The following SNTG1 variants were observed in gnomAD, a reference collection of about 807,000 sequenced individuals.
The protein encoded by SNTG1 is syntrophin gamma 1.
A neutral mutation model predicts 74.7 loss-of-function variants in SNTG1; 39 were observed. The ratio of observed to expected loss-of-function variants is 0.52; its 90% CI spans 0.40 to 0.68. The LOEUF (loss-of-function observed/expected upper bound fraction) is 0.68, where lower values mean the gene tolerates loss of function less well. Among genes scored for constraint, SNTG1 ranks in the 30% least tolerant of loss-of-function variants. The probability of loss-of-function intolerance (pLI) is 0.00; values close to 1 mark genes in which losing one functional copy is unlikely to be tolerated. For missense variants in SNTG1, 685 were observed against 609.5 expected (o/e 1.12, Z -1.30); for synonymous variants, 254 against 217.1 (o/e 1.17, Z -1.49).
chr8:50,061,583 A>T (rs936265963), intron 1 of SNTG1, among the ~76,000 whole-genome samples: 5 of 151,802 alleles, frequency 3.3e-5, no homozygotes, highest in African/African-American at 9.7e-5. Context: ...AGGAATTTAG[A>T]TTATTGATTT....
chr8:50,093,277 A>G (rs747565226), intron 1 of SNTG1, among the ~76,000 whole-genome samples: 2 of 152,170 alleles, frequency 1.3e-5, no homozygotes, highest in Admixed American at 1.3e-4. Flanking sequence ...TTTTCTTTCA[A>G]TTACAATCTT....
At chr8:50,054,928 C>T (rs931129167) in intron 1 of SNTG1, among the ~76,000 whole-genome samples, 1 of 152,136 alleles carries the variant, frequency 6.6e-6, no homozygotes, top group Non-Finnish European at 1.5e-5. Context: ...CCTCTGACCT[C>T]GGCCTCTCAA....
At chr8:49,964,530 G>A (rs146280064) in intron 1 of SNTG1, among the ~76,000 whole-genome samples, 3 of 152,306 alleles carry the variant, frequency 2.0e-5, no homozygotes, top group South Asian at 2.1e-4. Context: ...GTGAATAATA[G>A]GTAAACAGGC....
intron 2 of SNTG1, among the ~76,000 whole-genome samples, chr8:50,372,317 A>G (rs1390065513): frequency 6.6e-6 from 1 of 151,850 alleles, no homozygotes; most frequent in East Asian, 1.9e-4. Context: ...GATCTAACAT[A>G]AAATATCTTA....
intron 8 of SNTG1, among the ~76,000 whole-genome samples, chr8:50,466,566 T>C (rs1482543871): frequency 2.0e-5 from 3 of 152,034 alleles, no homozygotes; most frequent in African/African-American, 7.2e-5. Flanking sequence ...TTAAAATATC[T>C]ACAAAATAGC....
At chr8:49,951,113 G>A (rs1809659407) in intron 1 of SNTG1, among the ~76,000 whole-genome samples, 1 of 152,106 alleles carries the variant, frequency 6.6e-6, no homozygotes, top group African/African-American at 2.4e-5. Flanking sequence ...TTGAGACTAA[G>A]AAAGATTATA....
intron 12 of SNTG1, among the ~76,000 whole-genome samples, chr8:50,561,697 G>T (rs2094489332): frequency 6.6e-6 from 1 of 152,130 alleles, no homozygotes; most frequent in Admixed American, 6.6e-5. Context: ...GCCTGGCTAT[G>T]AGGAAACTGA....
chr8:50,598,819 T>A (rs1232194552), intron 13 of SNTG1, among the ~76,000 whole-genome samples: 1 of 152,018 alleles, frequency 6.6e-6, no homozygotes, highest in Non-Finnish European at 1.5e-5. Flanking sequence ...TTCTTAAGTA[T>A]TTCTCTGTGG....
At chr8:50,440,520 T>TA (rs1185180867) in intron 5 of SNTG1, among the ~76,000 whole-genome samples, 3 of 152,212 alleles carry the variant, frequency 2.0e-5, no homozygotes, top group Non-Finnish European at 2.9e-5. Flanking sequence ...TCTGAGAATT[T>TA]AAAAAAATGT....
intron 13 of SNTG1, among the ~76,000 whole-genome samples, chr8:50,602,038 C>T (rs2094778743): frequency 6.6e-6 from 1 of 152,004 alleles, no homozygotes; most frequent in African/African-American, 2.4e-5. Flanking sequence ...CATTAAGCAA[C>T]AGATAATTGA....
At chr8:49,970,040 T>C (rs898884648) in intron 1 of SNTG1, among the ~76,000 whole-genome samples, 1 of 152,060 alleles carries the variant, frequency 6.6e-6, no homozygotes, top group Non-Finnish European at 1.5e-5. Context: ...CAAATACTTA[T>C]TAAGGAAACA....
chr8:50,153,365 T>G (rs2082138890), intron 1 of SNTG1, among the ~76,000 whole-genome samples: 4 of 152,202 alleles, frequency 2.6e-5, no homozygotes, highest in Admixed American at 1.3e-4. Flanking sequence ...CTCCGTTAGC[T>G]CAGAGAAGTT....
At chr8:50,153,679 G>A (rs1457892851) in intron 1 of SNTG1, among the ~76,000 whole-genome samples, 2 of 152,202 alleles carry the variant, frequency 1.3e-5, no homozygotes, top group Non-Finnish European at 2.9e-5. Flanking sequence ...TCCAGACCCT[G>A]TTTGCCTGGG....
At chr8:50,562,201 G>C (rs974556766) in intron 12 of SNTG1, among the ~76,000 whole-genome samples, 4 of 152,212 alleles carry the variant, frequency 2.6e-5, no homozygotes, top group African/African-American at 4.8e-5. Flanking sequence ...CCCACGCAAA[G>C]ATGTCTATGT....
At chr8:50,042,030 A>T (rs1818681718) in intron 1 of SNTG1, among the ~76,000 whole-genome samples, 1 of 152,186 alleles carries the variant, frequency 6.6e-6, no homozygotes, top group South Asian at 2.1e-4. Flanking sequence ...AATGCATTCA[A>T]CACCCTGATA....
At chr8:50,425,157 G>T (rs973785038) in intron 4 of SNTG1, among the ~76,000 whole-genome samples, 9 of 152,076 alleles carry the variant, frequency 5.9e-5, no homozygotes, top group African/African-American at 1.7e-4. Flanking sequence ...GCTAAGTGGA[G>T]ATAAGGGCAA....
intron 1 of SNTG1, among the ~76,000 whole-genome samples, chr8:49,923,088 AT>A (rs1806700215): frequency 6.6e-6 from 1 of 152,164 alleles, no homozygotes; most frequent in Non-Finnish European, 1.5e-5. Flanking sequence ...CAAGCAATAT[AT>A]GCATATTACT....
At position 50,695,509 on chromosome 8, in the gene SNTG1, C is replaced by T. The variant is rs1014652380; in HGVS notation, c.1039-9091C>T. On this transcript the variant is annotated intron_variant, in intron 15 of 18. Coordinates refer to ENST00000642720, the MANE Select transcript of SNTG1 (RefSeq NM_018967.5). The stretch of plus-strand genomic sequence containing the variant: ...TTTCTTATTTATTTATTTATTTATA[C>T]TTAGGAAGTACCAGTGTATATTTCT... Among the ~76,000 whole-genome samples the T allele has an allele frequency of 3.4e-5, 4 of 117,746 alleles. No individual in the cohort carries two copies. The South Asian group carries it at 1.0e-3, about 30-fold the overall frequency. The allele number at this position is 117,746 out of a possible 152,430, so 77.2% of individuals were successfully genotyped here. A position where few individuals can be genotyped will look rare whatever the true frequency, so the allele number is the denominator to read the frequency against.
chr8:50,397,401 G>A (rs946671695), intron 3 of SNTG1, among the ~76,000 whole-genome samples: 1 of 152,090 alleles, frequency 6.6e-6, no homozygotes, highest in Non-Finnish European at 1.5e-5. Context: ...TTTGCAGGTG[G>A]GGCTGTTTTA....
Sources: allele counts gnomAD v4.1 joint callset (sites outside exome capture counted in the v4.1 genomes callset), GRCh38; gene constraint gnomAD v4.1.1; transcripts MANE v1.5; gene names NCBI Gene and HGNC (gene_info 2026-07-23, HGNC 2026-07-21).